The following FUBP3 variants were observed in gnomAD, a reference collection of about 807,000 sequenced individuals.
FUBP3 encodes the protein far upstream element-binding protein 3.
A neutral mutation model predicts 85.6 loss-of-function variants in FUBP3; 28 were observed. The observed-to-expected ratio is 0.33, with a 90% CI of 0.24 to 0.45. FUBP3 has a LOEUF of 0.45. Ranked by LOEUF, FUBP3 falls within the 20% of genes least tolerant of loss-of-function variation. The pLI is 1.00. For missense variants in FUBP3, 583 were observed against 755.1 expected (o/e 0.77, Z 2.67); for synonymous variants, 271 against 271.4 (o/e 1.00, Z 0.01).
chr9:130,631,720 C>A, intron 14 of FUBP3, 90 bp downstream of exon 14: 1 of 1,105,254 alleles, frequency 9.0e-7, no homozygotes. Flanking sequence ...CGAGTGCCAG[C>A]CAAGGCCTGA....
chr9:130,614,113 G>A (rs1172409102), intron 5 of FUBP3, among the ~76,000 whole-genome samples, 175 bp from the exon 6 acceptor site: 12 of 152,220 alleles, frequency 7.9e-5, no homozygotes, highest in African/African-American at 2.9e-4. Context: ...CGAGAATCTA[G>A]GGTGGAGCTA....
At chr9:130,610,662 A>G (rs753564425) in intron 3 of FUBP3, among the ~76,000 whole-genome samples, 8 of 152,212 alleles carry the variant, frequency 5.3e-5, no homozygotes, top group Non-Finnish European at 8.8e-5. Context: ...AGAAACTGCC[A>G]CAGTTTCTCT....
intron 1 of FUBP3, 26 bp from the exon 2 acceptor site, chr9:130,595,453 CTGAG>C (rs756351050): frequency 9.6e-7 from 1 of 1,040,052 alleles, no homozygotes; most frequent in Non-Finnish European, 1.5e-6. Flanking sequence ...TGGTTTGTTA[CTGAG>C]TGTTTAAATC....
Position 130,637,869 on chromosome 9 carries a change from C to T in FUBP3, c.*847C>T, listed in dbSNP as rs1441475965. Reference sequence around the variant, plus strand: ...TAACACACACTGTGGAACATTAAACCGTATAAAAATGTAGTTATAACTATT... The same window carrying T: ...TAACACACACTGTGGAACATTAAACTGTATAAAAATGTAGTTATAACTATT... On this transcript the variant is annotated 3_prime_UTR_variant, in exon 19 of 19. Transcript: ENST00000319725. 4 of 152,402 alleles carry T rather than the reference C, an allele frequency of 2.6e-5. No homozygotes were observed. Among genetic ancestry groups the T allele is most frequent in the Admixed American group, 6.6e-5 (1 of 15,264 alleles). The allele number at this position is 152,402 out of a possible 1,614,324, so 9.4% of individuals were successfully genotyped here. A position where few individuals can be genotyped will look rare whatever the true frequency, so the allele number is the denominator to read the frequency against.
chr9:130,589,158 A>G (rs1014148370), intron 1 of FUBP3, among the ~76,000 whole-genome samples: 5 of 152,122 alleles, frequency 3.3e-5, no homozygotes, highest in Non-Finnish European at 7.4e-5. Flanking sequence ...TTTTATTTGG[A>G]TTTATAAGGT....
chr9:130,579,706 G>A lies in FUBP3; in HGVS notation c.26G>A (p.Ser9Asn), dbSNP rs1482455230. Residue 9 changes from serine (S) to asparagine (N), a missense_variant, in exon 1 of 19, where the codon AGC (serine) becomes AAC (asparagine). Around this residue, in one of 3 missense-constraint regions of FUBP3, gnomAD observed 177 missense variants for 221.9 expected, o/e 0.80. Coordinates refer to ENST00000319725, the MANE Select transcript of FUBP3 (RefSeq NM_003934.2). Reference protein sequence around the residue: MAELVQGQSAPVGMKAEGF... With the variant: MAELVQGQNAPVGMKAEGF... ...ATGGCGGAGCTGGTGCAGGGGCAGA[G>A]CGCTCCTGTGGGGATGAAGGCCGAG... 7.1e-6 allele frequency: 9 copies of A among 1,269,980 alleles called. No homozygotes were observed. In the East Asian group the frequency reaches 2.7e-4, roughly 37 times the overall value. 78.7% of individuals were successfully genotyped at this position (1,269,980 alleles called of 1,614,324 possible).
intron 1 of FUBP3, among the ~76,000 whole-genome samples, chr9:130,593,741 AGCTGCCCCC>A (rs1830734619): frequency 6.6e-6 from 1 of 152,242 alleles, no homozygotes; most frequent in African/African-American, 2.4e-5. Context: ...CAGCTGTGCT[AGCTGCCCCC>A]AATAGACCCC....
At chr9:130,632,960 TTC>T (rs1028542993) in intron 16 of FUBP3, among the ~76,000 whole-genome samples, 5 of 152,356 alleles carry the variant, frequency 3.3e-5, no homozygotes, top group Non-Finnish European at 7.3e-5. Context: ...CATCTGGAGT[TTC>T]TGTCCTGTGT....
rs1830243144 is a variant in FUBP3 at position 130,632,226 on chromosome 9, G to A, written c.1458G>A (p.Gln486=). 2 of 1,614,088 alleles carry A rather than the reference G, an allele frequency of 1.2e-6. No homozygotes were observed. The highest frequency in any genetic ancestry group is 1.7e-5 in the Admixed American group (1 of 60,024). ...PVSGPPAFLT[Q]GWGSTYQAWQ... is the part of the protein sequence containing the mutation. ...GTGGTCCTCCGGCCTTTCTGACCCA[G>A]GGCTGGGGCAGCACCTACCAGGCGT... Residue 486 remains glutamine, a synonymous_variant, in exon 16 of 19, where the codon CAG becomes CAA. Coordinates refer to ENST00000319725, the MANE Select transcript of FUBP3 (RefSeq NM_003934.2).
intron 11 of FUBP3, among the ~76,000 whole-genome samples, chr9:130,625,308 G>A (rs539323926): frequency 1.7e-4 from 26 of 152,336 alleles, no homozygotes; most frequent in Middle Eastern, 3.4e-3. Flanking sequence ...TTGACTGTGC[G>A]CTCCTGTGCG....
At chr9:130,604,857 C>T (rs1431231253) in intron 2 of FUBP3, among the ~76,000 whole-genome samples, 4 of 150,794 alleles carry the variant, frequency 2.7e-5, no homozygotes, top group Non-Finnish European at 4.4e-5. Flanking sequence ...GAGATCGTGC[C>T]ACTGCACTCC....
chr9:130,620,279 C>A (rs1588150875), intron 8 of FUBP3, 75 bp from the exon 9 acceptor site: 1 of 862,122 alleles, frequency 1.2e-6, no homozygotes, highest in Non-Finnish European at 1.8e-6. Context: ...AGGGTTTGAT[C>A]TTGAAATTTC....
At chr9:130,586,886 A>G (rs1349243332) in intron 1 of FUBP3, among the ~76,000 whole-genome samples, 1 of 150,060 alleles carries the variant, frequency 6.7e-6, no homozygotes, top group Non-Finnish European at 1.5e-5. Flanking sequence ...AGTAGCTGGG[A>G]CTACAGGTGC....
At chr9:130,589,705 A>ATATTTTTTT (rs1414691549) in intron 1 of FUBP3, among the ~76,000 whole-genome samples, 5 of 73,830 alleles carry the variant, frequency 6.8e-5, no homozygotes, top group African/African-American at 3.1e-4. Context: ...ATATATATAT[A>ATATTTTTTT]TTTTTTTTTT....
rs774418973 is a variant in FUBP3 at position 130,634,758 on chromosome 9, A to T, written c.1582+20A>T. 2 of 1,594,646 alleles carry T rather than the reference A, an allele frequency of 1.3e-6. No homozygotes were observed. Among genetic ancestry groups the T allele is most frequent in the South Asian group, 2.2e-5 (2 of 89,838 alleles). On this transcript the variant is annotated intron_variant, in intron 17 of 18. Coordinates refer to ENST00000319725, the MANE Select transcript of FUBP3 (RefSeq NM_003934.2). ...AACAGAGTGAGTGCCCGGCCCTCCT[A>T]ACCTGTGGCAGCACAGTCCCCTCCA...
At chr9:130,622,313 C>T (rs993017099) in intron 9 of FUBP3, among the ~76,000 whole-genome samples, 7 of 136,864 alleles carry the variant, frequency 5.1e-5, no homozygotes, top group Non-Finnish European at 9.2e-5. Flanking sequence ...GAGCGAGACT[C>T]CATCTCCAAA....
intron 1 of FUBP3, among the ~76,000 whole-genome samples, chr9:130,584,928 C>T (rs111544097): frequency 0.013 from 1,907 of 150,192 alleles, 41 homozygotes; most frequent in African/African-American, 0.044. Flanking sequence ...TTTGGGAGGC[C>T]GAGGCAGGGA....
intron 2 of FUBP3, among the ~76,000 whole-genome samples, chr9:130,607,209 T>G (rs1007165307): frequency 3.9e-5 from 6 of 152,048 alleles, no homozygotes; most frequent in African/African-American, 1.4e-4. Context: ...TGGCCTCAAG[T>G]TATCTGCCTG....
At position 130,635,656 on chromosome 9, in the gene FUBP3, TC is replaced by T. The variant is rs1295223688; in HGVS notation, c.1583-339del. The stretch of plus-strand genomic sequence containing the variant: ...TATCACAGGCACCCAAGTTAGGTAC[TC>T]CCCTTCTCCCCCACCCCCACCCCAG... On this transcript the variant is annotated intron_variant, in intron 17 of 18. Coordinates refer to ENST00000319725, the MANE Select transcript of FUBP3 (RefSeq NM_003934.2). This position sits in a 1 kb window ranked among gnomAD's most constrained non-coding sequence, Gnocchi z 4.3. 6.6e-6 allele frequency among the ~76,000 whole-genome samples: 1 copy of T among 152,036 alleles called. No individual in the cohort carries two copies. The highest frequency in any genetic ancestry group is 1.5e-5 in the Non-Finnish European group (1 of 67,994).
Sources: gnomAD v4.1 joint callset for allele counts (sites outside exome capture counted in the v4.1 genomes callset) on GRCh38, gnomAD v4.1.1 for gene constraint, gnomAD v4.1.1 regional missense constraint, Gnocchi (gnomAD v3.1) non-coding constraint, MANE v1.5 for transcripts, NCBI Gene and HGNC (gene_info 2026-07-23, HGNC 2026-07-21) for gene names.